Variants in HEPHL1 observed in about 807,000 individuals in gnomAD.
The protein encoded by HEPHL1 is hephaestin like 1, also known as ferroxidase HEPHL1.
HEPHL1 carries 123 observed loss-of-function variants against 122.0 expected under a neutral mutation model. That is an observed-to-expected ratio of 1.01 (90% confidence interval 0.87 to 1.17). HEPHL1 has a LOEUF of 1.17. Ranked by LOEUF, HEPHL1 falls within the 50% of genes most tolerant of loss-of-function variation. HEPHL1 has a pLI of 0.00. For missense variants in HEPHL1, 1,452 were observed against 1,430.5 expected, an observed-to-expected ratio of 1.01 and a Z score of -0.24; for synonymous variants, 527 against 508.9, an observed-to-expected ratio of 1.04 and a Z score of -0.48.
intron 2 of HEPHL1, among the ~76,000 whole-genome samples, chr11:94,056,599 T>C (rs888298633): frequency 6.6e-6 from 1 of 151,504 alleles, no homozygotes. Context: ...TCTGGTAAAA[T>C]GTAGAAGCTT....
intron 11 of HEPHL1, 27 bp downstream of exon 11, chr11:94,086,216 G>A: frequency 6.4e-7 from 1 of 1,553,398 alleles, no homozygotes; most frequent in Non-Finnish European, 8.8e-7. Flanking sequence ...CATCTCAGGT[G>A]ACCAGATTTC....
intron 18 of HEPHL1, 66 bp downstream of exon 18, chr11:94,111,131 G>C: frequency 2.9e-6 from 4 of 1,402,366 alleles, no homozygotes; most frequent in South Asian, 2.8e-5. Flanking sequence ...CAAAACAGGA[G>C]GCATGACAAA....
chr11:94,029,589 A>T (rs1337884797), intron 1 of HEPHL1, among the ~76,000 whole-genome samples: 1 of 152,230 alleles, frequency 6.6e-6, no homozygotes, highest in Non-Finnish European at 1.5e-5. Flanking sequence ...GTGGGGCCTG[A>T]GAATAAAAAT....
intron 2 of HEPHL1, among the ~76,000 whole-genome samples, chr11:94,062,059 T>C (rs1591473801): frequency 6.6e-6 from 1 of 152,090 alleles, no homozygotes; most frequent in Non-Finnish European, 1.5e-5. Flanking sequence ...ATGTAGCATA[T>C]AGGTTTATTT....
intron 1 of HEPHL1, among the ~76,000 whole-genome samples, chr11:94,043,456 A>G (rs1283757909): frequency 1.3e-5 from 2 of 152,110 alleles, no homozygotes; most frequent in Non-Finnish European, 2.9e-5. Context: ...AATGATATCA[A>G]TTGGCCAGGT....
At chr11:94,073,566 C>T (rs937617833) in intron 8 of HEPHL1, 127 bp downstream of exon 8, 1 of 841,448 alleles carries the variant, frequency 1.2e-6, no homozygotes, top group Non-Finnish European at 1.8e-6. Flanking sequence ...ATCACTTAAA[C>T]TTTCTGAACC....
intron 16 of HEPHL1, 43 bp downstream of exon 16, chr11:94,104,793 C>A: frequency 7.0e-7 from 1 of 1,419,252 alleles, no homozygotes; most frequent in Non-Finnish European, 9.8e-7. Flanking sequence ...GAGATAAGCT[C>A]ATAGGAATTC....
chr11:94,031,462 T>C (rs1945674958), intron 1 of HEPHL1, among the ~76,000 whole-genome samples: 1 of 152,172 alleles, frequency 6.6e-6, no homozygotes, highest in South Asian at 2.1e-4. Flanking sequence ...GTAGACCACC[T>C]TATTCTTTTC....
chr11:94,032,705 T>A (rs968091755), intron 1 of HEPHL1, among the ~76,000 whole-genome samples: 2 of 152,006 alleles, frequency 1.3e-5, no homozygotes, highest in Non-Finnish European at 2.9e-5. Flanking sequence ...TTGTTAACTG[T>A]CTCTCTAAAG....
In HEPHL1 at chr11:94,076,265, C is replaced by T. The variant is rs151319923; in HGVS notation, c.1716+880C>T. Among the ~76,000 whole-genome samples, 108 of 152,150 alleles carry T rather than the reference C, an allele frequency of 7.1e-4. 1 individual carries two copies. The highest frequency in any genetic ancestry group is 3.4e-3 in the Middle Eastern group (1 of 294). On this transcript the variant is annotated intron_variant, in intron 9 of 19. Transcript: ENST00000315765. ...GCCTCAACAAGCACACAAGGCAAAG[C>T]GGAATGATTATTCATATTTTAAAGC...
Position 94,114,199 on chromosome 11 carries a change from A to C in HEPHL1, c.*2305A>C, listed in dbSNP as rs1268124225. Among the ~76,000 whole-genome samples, 1 of 152,154 alleles carries C rather than the reference A, an allele frequency of 6.6e-6. No homozygotes were observed. The highest frequency in any genetic ancestry group is 2.4e-5 in the African/African-American group (1 of 41,440). Reference sequence around the variant, plus strand: ...GCAATGTGCTGTCTTATTTAACTCTATAACCCCCTCCGACACAGTTTCTCT... The same window carrying C: ...GCAATGTGCTGTCTTATTTAACTCTCTAACCCCCTCCGACACAGTTTCTCT... On this transcript the variant is annotated 3_prime_UTR_variant, in exon 20 of 20. Transcript: ENST00000315765.
intron 13 of HEPHL1, 97 bp from the exon 14 acceptor site, chr11:94,101,098 C>G (rs1050009742): frequency 1.5e-4 from 201 of 1,386,042 alleles, no homozygotes; most frequent in Non-Finnish European, 1.9e-4. Context: ...ACAACTAAAG[C>G]CAAACTATTT....
At chr11:94,105,884 T>A in intron 16 of HEPHL1, 107 bp from the exon 17 acceptor site, 1 of 718,250 alleles carries the variant, frequency 1.4e-6, no homozygotes, top group Non-Finnish European at 2.2e-6. Flanking sequence ...GTTGCATGTT[T>A]ACTAGACAGA....
chr11:94,066,927 T>C (rs568266792), intron 4 of HEPHL1, among the ~76,000 whole-genome samples: 281 of 152,324 alleles, frequency 1.8e-3, no homozygotes, highest in African/African-American at 6.5e-3. Context: ...AAAAACTGTT[T>C]TTCTCTTGGC....
chr11:94,104,830 C>A, intron 16 of HEPHL1, 80 bp downstream of exon 16: 2 of 1,085,064 alleles, frequency 1.8e-6, no homozygotes. Context: ...CTCCCAGCAT[C>A]CTTCTCTGAG....
At chr11:94,030,294 CT>C (rs1945661698) in intron 1 of HEPHL1, among the ~76,000 whole-genome samples, 1 of 152,238 alleles carries the variant, frequency 6.6e-6, no homozygotes, top group African/African-American at 2.4e-5. Flanking sequence ...AGTTCTTCCT[CT>C]GCCTCTTCCT....
chr11:94,065,617 G>C (rs189983926), intron 4 of HEPHL1, among the ~76,000 whole-genome samples: 1 of 152,304 alleles, frequency 6.6e-6, no homozygotes, highest in Admixed American at 6.5e-5. Context: ...AAGTAAGGGA[G>C]AGAAGGAAAG....
At chr11:94,051,080 C>T (rs1367471541) in intron 2 of HEPHL1, among the ~76,000 whole-genome samples, 1 of 152,146 alleles carries the variant, frequency 6.6e-6, no homozygotes, top group African/African-American at 2.4e-5. Context: ...CAAACCTTGG[C>T]TACTGTGAAT....
At chr11:94,101,692 TA>T (rs1347630011) in intron 14 of HEPHL1, among the ~76,000 whole-genome samples, 1 of 152,220 alleles carries the variant, frequency 6.6e-6, no homozygotes, top group Admixed American at 6.5e-5. Flanking sequence ...CAACAACATG[TA>T]TCCACCATTT....
Sources: allele counts gnomAD v4.1 joint callset (sites outside exome capture counted in the v4.1 genomes callset), GRCh38; gene constraint gnomAD v4.1.1; transcripts MANE v1.5; gene names NCBI Gene and HGNC (gene_info 2026-07-23, HGNC 2026-07-21).